The following CELF5 variants were observed in gnomAD, a reference collection of about 807,000 sequenced individuals.
CELF5 encodes the protein CUGBP Elav-like family member 5, also known as CUG-BP and ETR-3 like factor 5.
A neutral mutation model predicts 54.9 loss-of-function variants in CELF5; 6 were observed. That is an observed-to-expected ratio of 0.11 (90% CI 0.06 to 0.22). CELF5 has a LOEUF of 0.22. Among genes scored for constraint, CELF5 ranks in the 10% least tolerant of loss-of-function variants. The pLI is 1.00. For missense variants in CELF5, 401 were observed against 678.6 expected, an observed-to-expected ratio of 0.59 and a Z score of 4.54; for synonymous variants, 271 against 290.9, an observed-to-expected ratio of 0.93 and a Z score of 0.70.
At position 3,282,227 on chromosome 19, in the gene CELF5, C is replaced by T. The variant is rs1419304320; in HGVS notation, c.852C>T (p.Ser284=). The T allele has an allele frequency of 6.2e-7, 1 of 1,613,412 alleles. No individual in the cohort carries two copies. The highest frequency in any genetic ancestry group is 8.5e-7 in the Non-Finnish European group (1 of 1,180,058). Residue 284 remains serine (S), a synonymous_variant, in exon 7 of 13, where the codon AGC becomes AGT. Coordinates refer to ENST00000292672, the MANE Select transcript of CELF5 (RefSeq NM_021938.4). The surrounding 1 kb of genome is among the most constrained non-coding windows in gnomAD (Gnocchi z 5.2). The part of the protein sequence containing the change: ...PCHIQQIGAV[S]LNGLPATPIA... ...ACATCCAGCAGATAGGCGCCGTCAGCCTCAACGGGCTGCCTGCCACACCCA... is the reference window on the plus strand; with the variant it reads ...ACATCCAGCAGATAGGCGCCGTCAGTCTCAACGGGCTGCCTGCCACACCCA...
intron 8 of CELF5, among the ~76,000 whole-genome samples, chr19:3,284,169 C>T (rs969061730): frequency 2.0e-5 from 3 of 152,116 alleles, no homozygotes; most frequent in South Asian, 4.2e-4. Flanking sequence ...TTTTTGTATG[C>T]ACTCTGTGCA....
intron 1 of CELF5, among the ~76,000 whole-genome samples, chr19:3,240,638 C>T (rs1478381521): frequency 6.6e-6 from 1 of 151,682 alleles, no homozygotes; most frequent in Admixed American, 6.6e-5. Flanking sequence ...CTACCACACA[C>T]TTCTGAAAGC....
At chr19:3,254,659 C>T (rs1478206299) in intron 2 of CELF5, among the ~76,000 whole-genome samples, 1 of 150,588 alleles carries the variant, frequency 6.6e-6, no homozygotes, top group African/African-American at 2.4e-5. Flanking sequence ...TATTATGCAT[C>T]CCTCCATTCT....
At chr19:3,269,084 G>A (rs944862377) in intron 2 of CELF5, among the ~76,000 whole-genome samples, 3 of 152,096 alleles carry the variant, frequency 2.0e-5, no homozygotes, top group Non-Finnish European at 4.4e-5. Context: ...GGGAGGGGAG[G>A]AAGGTCAATG....
chr19:3,252,195 C>T (rs933285213), intron 2 of CELF5, among the ~76,000 whole-genome samples: 4 of 152,068 alleles, frequency 2.6e-5, no homozygotes, highest in East Asian at 1.9e-4. Context: ...TGCCATCACA[C>T]GTGGCTAATT....
At chr19:3,237,064 G>T (rs998397127) in intron 1 of CELF5, among the ~76,000 whole-genome samples, 1 of 150,342 alleles carries the variant, frequency 6.7e-6, no homozygotes, top group African/African-American at 2.4e-5. Context: ...TGTAATCCCA[G>T]CACTTTGGGA....
intron 1 of CELF5, among the ~76,000 whole-genome samples, chr19:3,234,729 C>T (rs1052629476): frequency 1.9e-4 from 29 of 152,212 alleles, no homozygotes; most frequent in Admixed American, 1.3e-3. Context: ...CAACAACAAC[C>T]GCACCTCCTA....
intron 2 of CELF5, among the ~76,000 whole-genome samples, chr19:3,254,126 C>G (rs8101042): frequency 0.2 from 30,371 of 151,990 alleles, 3,480 homozygotes; most frequent in East Asian, 0.54. Context: ...AGGCTGGTGT[C>G]CTGGATCTGA....
intron 1 of CELF5, among the ~76,000 whole-genome samples, chr19:3,241,873 C>T (rs575097739): frequency 1.8e-3 from 271 of 152,208 alleles, no homozygotes; most frequent in Non-Finnish European, 2.8e-3. Flanking sequence ...CTCCCGGGTT[C>T]GAGCAATTCT....
intron 2 of CELF5, among the ~76,000 whole-genome samples, chr19:3,253,916 C>T (rs193223611): frequency 4.3e-4 from 66 of 152,308 alleles, no homozygotes; most frequent in South Asian, 1.0e-3. Context: ...TCCCCCATTC[C>T]TTTGTCCTCA....
Position 3,290,312 on chromosome 19 carries a change from T to G in CELF5, c.1268T>G (p.Phe423Cys), listed in dbSNP as rs1282035155. The G allele has an allele frequency of 6.2e-7, 1 of 1,613,896 alleles. No homozygotes were observed. Among genetic ancestry groups the G allele is most frequent in the Non-Finnish European group, 8.5e-7 (1 of 1,179,980 alleles). ...DTELTQMFLP[F>C]GNIISSKVFM... is the part of the protein sequence containing the mutation. Reference sequence around the variant, plus strand: ...GAGCTGACGCAGATGTTCCTACCCTTCGGCAATATCATTTCCTCCAAGGTG... The same window carrying G: ...GAGCTGACGCAGATGTTCCTACCCTGCGGCAATATCATTTCCTCCAAGGTG... Residue 423 changes from phenylalanine to cysteine, a missense_variant, in exon 11 of 13, where the codon TTC becomes TGC. This residue lies in a region of CELF5 where 59 missense variants were observed against 128.8 expected (regional missense o/e 0.46). Transcript: ENST00000292672.
chr19:3,289,414 G>T (rs1321978528), intron 10 of CELF5, among the ~76,000 whole-genome samples: 13 of 152,092 alleles, frequency 8.5e-5, no homozygotes, highest in Non-Finnish European at 1.3e-4. Flanking sequence ...GGGTGCAATG[G>T]CTCACGCCTG....
At chr19:3,272,393 G>GA (rs995616292) in intron 2 of CELF5, among the ~76,000 whole-genome samples, 122 of 151,436 alleles carry the variant, frequency 8.1e-4, no homozygotes, top group African/African-American at 2.7e-3. Flanking sequence ...AAAAAGAAAA[G>GA]AAAAAAAAGA....
chr19:3,279,850 G>A (rs1214761106), intron 5 of CELF5, among the ~76,000 whole-genome samples: 2 of 152,144 alleles, frequency 1.3e-5, no homozygotes, highest in African/African-American at 4.8e-5. Context: ...TTACAGGCAC[G>A]CGCCACCACA....
intron 3 of CELF5, among the ~76,000 whole-genome samples, chr19:3,274,404 T>A (rs149627878): frequency 7.5e-4 from 114 of 152,298 alleles, no homozygotes; most frequent in African/African-American, 2.6e-3. Context: ...CACATGTGCA[T>A]TTGTGTTTCT....
intron 2 of CELF5, among the ~76,000 whole-genome samples, chr19:3,273,249 G>A (rs1013310573): frequency 3.3e-5 from 5 of 152,120 alleles, no homozygotes; most frequent in South Asian, 4.2e-4. Flanking sequence ...TCCTGGGGTC[G>A]CTCAAGCAGC....
At chr19:3,258,866 C>T (rs1409272562) in intron 2 of CELF5, among the ~76,000 whole-genome samples, 5 of 152,166 alleles carry the variant, frequency 3.3e-5, no homozygotes, top group African/African-American at 1.2e-4. Context: ...CCGCCTCGGC[C>T]TCCCAAAGCG....
In CELF5 at chr19:3,284,953, A is replaced by C. The variant is rs775741979; in HGVS notation, c.1091A>C (p.Gln364Pro). 4.3e-6 allele frequency: 7 copies of C among 1,611,670 alleles called. No homozygotes were observed. In the Admixed American group the frequency reaches 1.2e-4, roughly 27 times the overall value. ...ETLHPAFSGV[Q>P]QYTAMYPTAA... ...CTGCATCCTGCCTTCTCCGGAGTCC[A>C]GCAGTACACAGGTAGGAGGCAGCCC... is the stretch of plus-strand genomic sequence containing the variant. The change falls in exon 9 of 13, where the codon CAG (glutamine) becomes CCG (proline). Residue 364 changes from glutamine (Q) to proline (P), a missense_variant. Coordinates refer to ENST00000292672, the MANE Select transcript of CELF5 (RefSeq NM_021938.4).
chr19:3,293,636 G>C, intron 12 of CELF5, 150 bp downstream of exon 12: 1 of 663,824 alleles, frequency 1.5e-6, no homozygotes, highest in Non-Finnish European at 2.5e-6. Context: ...GGCGGGGACA[G>C]AGCTGGATGT....
Sources: gnomAD v4.1 joint callset for allele counts (sites outside exome capture counted in the v4.1 genomes callset) on GRCh38, gnomAD v4.1.1 for gene constraint, gnomAD v4.1.1 regional missense constraint, Gnocchi (gnomAD v3.1) non-coding constraint, MANE v1.5 for transcripts, NCBI Gene and HGNC (gene_info 2026-07-23, HGNC 2026-07-21) for gene names.